Variants in SULT2A1 observed in about 807,000 individuals in gnomAD.
SULT2A1 encodes the protein sulfotransferase family 2A member 1.
SULT2A1 carries 43 observed loss-of-function variants against 33.9 expected under a neutral mutation model. That is an observed-to-expected ratio of 1.27 (90% confidence interval 1.00 to 1.64). The LOEUF (loss-of-function observed/expected upper bound fraction) is 1.64. Ranked by LOEUF, SULT2A1 falls within the 40% of genes most tolerant of loss-of-function variation. The pLI, the probability that SULT2A1 is intolerant of heterozygous loss-of-function variation, is 0.00. For missense variants in SULT2A1, 300 were observed against 335.1 expected (o/e 0.90, Z 0.82); for synonymous variants, 125 against 113.6 (o/e 1.10, Z -0.64).
rs1423173698 is a variant in SULT2A1 at position 47,886,187 on chromosome 19, C to T, written c.71G>A (p.Arg24Lys). 1.2e-6 allele frequency: 2 copies of T among 1,614,014 alleles called. No homozygotes were observed. The highest frequency in any genetic ancestry group is 2.7e-5 in the African/African-American group (2 of 74,926). The change falls in exon 1 of 6, where the codon AGA becomes AAA. Residue 24 changes from arginine (R) to lysine (K), a missense_variant. Arg to Lys is a conservative substitution (Grantham distance 26). Transcript: ENST00000222002. ...PTMGFRSETL[R>K]KVRDEFVIRD... Reference sequence around the variant, plus strand: ...TATCACGAACTCATCACGTACTTTTCTTAAGGTTTCGGATCTGAAACCCAT... The same window carrying T: ...TATCACGAACTCATCACGTACTTTTTTTAAGGTTTCGGATCTGAAACCCAT...
intron 1 of SULT2A1, among the ~76,000 whole-genome samples, chr19:47,884,159 T>TTAA (rs1418476228): frequency 1.5e-5 from 2 of 134,292 alleles, no homozygotes; most frequent in African/African-American, 5.8e-5. Context: ...CCTTAATTTT[T>TTAA]TTATTATTTA....
chr19:47,879,074 T>C lies in SULT2A1; in HGVS notation c.529A>G (p.Lys177Glu), dbSNP rs147230706. 25 of 1,613,758 alleles carry C rather than the reference T, an allele frequency of 1.5e-5. No homozygotes were observed. The highest frequency in any genetic ancestry group is 2.1e-5 in the Non-Finnish European group (25 of 1,179,828). Reference sequence around the variant, plus strand: ...TCATAACTCAGTAACAGGAAGTTTTTCTCCTCTCTCATGGGCATCCAGCCA... The same window carrying C: ...TCATAACTCAGTAACAGGAAGTTTTCCTCCTCTCTCATGGGCATCCAGCCA... Reference protein sequence around the residue: ...IHGWMPMREEKNFLLLSYEEL... With the variant: ...IHGWMPMREEENFLLLSYEEL... Residue 177 changes from lysine (K) to glutamate (E), a missense_variant, in exon 4 of 6, where the codon AAA (lysine) becomes GAA (glutamate). Physicochemically the swap from Lys to Glu is moderately conservative, Grantham distance 56 (BLOSUM62 1). Transcript: ENST00000222002.
intron 3 of SULT2A1, among the ~76,000 whole-genome samples, chr19:47,880,330 G>A (rs977031404): frequency 6.6e-6 from 1 of 150,640 alleles, no homozygotes; most frequent in Admixed American, 6.6e-5. Flanking sequence ...AGAACAGCAT[G>A]GGGGAAACCA....
Position 47,886,251 on chromosome 19 carries a change from C to G in SULT2A1, c.7G>C (p.Asp3His). 6.2e-7 allele frequency: 1 copy of G among 1,613,930 alleles called. No homozygotes were observed. Among genetic ancestry groups the G allele is most frequent in the East Asian group, 2.2e-5 (1 of 44,868 alleles). The change falls in exon 1 of 6, where the codon GAC (aspartate) becomes CAC (histidine). Residue 3 changes from aspartate to histidine, a missense_variant. Coordinates refer to ENST00000222002, the MANE Select transcript of SULT2A1 (RefSeq NM_003167.4). Reference protein sequence around the residue: MSDDFLWFEGIAF... With the variant: MSHDFLWFEGIAF... ...ATGCCTTCAAACCATAAGAAATCGT[C>G]CGACATGATGATGACCTCTTCCTGC...
At chr19:47,875,000 A>G (rs546091182) in intron 4 of SULT2A1, among the ~76,000 whole-genome samples, 166 bp from the exon 5 acceptor site, 2 of 151,908 alleles carry the variant, frequency 1.3e-5, no homozygotes, top group Middle Eastern at 3.4e-3. Flanking sequence ...CATCTCTACT[A>G]AAAATACAAA....
At chr19:47,876,892 G>A (rs748332559) in intron 4 of SULT2A1, among the ~76,000 whole-genome samples, 1 of 151,404 alleles carries the variant, frequency 6.6e-6, no homozygotes, top group African/African-American at 2.4e-5. Context: ...GGGCAACATG[G>A]TGAAACCCTG....
chr19:47,876,160 C>T (rs149161238), intron 4 of SULT2A1, among the ~76,000 whole-genome samples: 22 of 152,220 alleles, frequency 1.4e-4, no homozygotes, highest in East Asian at 3.9e-4. Context: ...GGGTTACAGG[C>T]GTGCGCCACC....
intron 3 of SULT2A1, among the ~76,000 whole-genome samples, chr19:47,881,333 G>A (rs1448853689): frequency 2.0e-5 from 3 of 152,046 alleles, no homozygotes; most frequent in Admixed American, 6.6e-5. Context: ...ACCATGGCCG[G>A]CTAATTTTTT....
rs780023162 is a variant in SULT2A1, at chr19:47,879,050, C to T, written c.553G>A (p.Glu185Lys). ...GATGGGATTACCTGTTTCAGCTCCT[C>T]ATAACTCAGTAACAGGAAGTTTTTC... ...EEKNFLLLSY[E>K]ELKQDTGRTI... The change falls in exon 4 of 6, where the codon GAG (glutamate) becomes AAG (lysine). Residue 185 changes from glutamate to lysine, a missense_variant. Transcript: ENST00000222002. The T allele has an allele frequency of 3.7e-6, 6 of 1,611,464 alleles. No homozygotes were observed. In the South Asian group the frequency reaches 5.5e-5, roughly 15 times the overall value.
rs1439448049 is a variant in SULT2A1, at chr19:47,870,708, T to A, written c.*747A>T. The A allele has an allele frequency of 6.8e-6, 1 of 147,826 alleles. No individual in the cohort carries two copies. The highest frequency in any genetic ancestry group is 1.5e-5 in the Non-Finnish European group (1 of 65,650). 9.2% of individuals were successfully genotyped at this position (147,826 alleles called of 1,614,324 possible). A position where few individuals can be genotyped will look rare whatever the true frequency, so the allele number is the denominator to read the frequency against. Reference sequence around the variant, plus strand: ...ATTAACAAACATTTAGACATCCTTTTAGGTAGTACGTACATTATTCTTGTA... The same window carrying A: ...ATTAACAAACATTTAGACATCCTTTAAGGTAGTACGTACATTATTCTTGTA... On this transcript the variant is annotated 3_prime_UTR_variant, in exon 6 of 6. Transcript: ENST00000222002.
intron 1 of SULT2A1, among the ~76,000 whole-genome samples, chr19:47,884,872 G>A (rs1968640906): frequency 7.0e-6 from 1 of 143,690 alleles, no homozygotes; most frequent in Admixed American, 7.1e-5. Context: ...GAGTGCAGTG[G>A]CATGATCTTG....
intron 1 of SULT2A1, among the ~76,000 whole-genome samples, chr19:47,884,222 A>T (rs1403945610): frequency 6.6e-6 from 1 of 150,436 alleles, no homozygotes; most frequent in Non-Finnish European, 1.5e-5. Flanking sequence ...CCCAGGCTGG[A>T]GTGCAATGGC....
At chr19:47,872,971 A>C (rs1031632487) in intron 5 of SULT2A1, among the ~76,000 whole-genome samples, 8 of 151,986 alleles carry the variant, frequency 5.3e-5, no homozygotes, top group African/African-American at 1.9e-4. Context: ...CATGTTGCCC[A>C]GGCTGGTCTC....
At chr19:47,879,409 A>G (rs529866867) in intron 3 of SULT2A1, among the ~76,000 whole-genome samples, 1 of 152,270 alleles carries the variant, frequency 6.6e-6, no homozygotes, top group South Asian at 2.1e-4. Flanking sequence ...AAGTGGCCTA[A>G]TTGACTCACA....
In SULT2A1 at chr19:47,879,142, G is replaced by T; in HGVS notation, c.473-12C>A. On this transcript the variant is annotated splice_polypyrimidine_tract_variant and intron_variant, in intron 3 of 5. Coordinates refer to ENST00000222002, the MANE Select transcript of SULT2A1 (RefSeq NM_003167.4). ...TGACCCATATAGCACTGCATGGGGTGGCAGAAAAAGTGATAGGTTACAAAT... is the reference window on the plus strand; with the variant it reads ...TGACCCATATAGCACTGCATGGGGTTGCAGAAAAAGTGATAGGTTACAAAT... 2 of 1,554,752 alleles carry T rather than the reference G, an allele frequency of 1.3e-6. No homozygotes were observed. Among genetic ancestry groups the T allele is most frequent in the Non-Finnish European group, 1.8e-6 (2 of 1,126,716 alleles).
rs148150077 is a variant in SULT2A1 at position 47,883,631 on chromosome 19, G to T, written c.291C>A (p.Ser97=). Residue 97 remains serine (S), a synonymous_variant, in exon 2 of 6, where the codon TCC becomes TCA. Coordinates refer to ENST00000222002, the MANE Select transcript of SULT2A1 (RefSeq NM_003167.4). ...LSETESPRLF[S]SHLPIQLFPK... ...GGAATAACTGGATGGGGAGGTGGGA[G>T]GAGAATAAACGTGGACTCTCCGTTT... 9.0e-4 allele frequency: 1,445 copies of T among 1,613,996 alleles called. 3 individuals are homozygous for T. The highest frequency in any genetic ancestry group is 1.1e-3 in the Non-Finnish European group (1,285 of 1,180,004).
In SULT2A1 at chr19:47,883,440, C is replaced by G. The variant is rs1968621355; in HGVS notation, c.345+137G>C. The G allele has an allele frequency of 1.9e-5, 16 of 851,152 alleles. No individual in the cohort carries two copies. In the South Asian group the frequency reaches 2.5e-4, roughly 13 times the overall value. The allele number at this position is 851,152 out of a possible 1,614,324, so 52.7% of individuals were successfully genotyped here. A position where few individuals can be genotyped will look rare whatever the true frequency, so the allele number is the denominator to read the frequency against. ...CTGGGAGCAGCCACATAGGTGTCAC[C>G]TAATACGGAATCTCAGGTCTCAACA... On this transcript the variant is annotated intron_variant, in intron 2 of 5. Coordinates refer to ENST00000222002, the MANE Select transcript of SULT2A1 (RefSeq NM_003167.4).
At chr19:47,884,720 G>C (rs970382376) in intron 1 of SULT2A1, among the ~76,000 whole-genome samples, 1 of 149,294 alleles carries the variant, frequency 6.7e-6, no homozygotes, top group Non-Finnish European at 1.5e-5. Context: ...GGTCTTGAAC[G>C]CTTGACCTCA....
intron 3 of SULT2A1, among the ~76,000 whole-genome samples, chr19:47,881,747 C>G (rs1968606174): frequency 6.6e-6 from 1 of 151,934 alleles, no homozygotes; most frequent in Admixed American, 6.6e-5. Context: ...AAAAAAATGG[C>G]GGAAGGTCAG....
Sources: allele counts gnomAD v4.1 joint callset (sites outside exome capture counted in the v4.1 genomes callset), GRCh38; gene constraint gnomAD v4.1.1; transcripts MANE v1.5; gene names NCBI Gene and HGNC (gene_info 2026-07-23, HGNC 2026-07-21).